FSTL4: variants seen among roughly 807,000 people sequenced by gnomAD.
FSTL4 encodes the protein follistatin-related protein 4.
FSTL4 carries 28 observed loss-of-function variants against 78.2 expected under a neutral mutation model. The ratio of observed to expected loss-of-function variants is 0.36; its 90% CI spans 0.27 to 0.49. The LOEUF (loss-of-function observed/expected upper bound fraction) is 0.49. Among genes scored for constraint, FSTL4 ranks in the 20% least tolerant of loss-of-function variants. The probability of loss-of-function intolerance (pLI) is 0.98; values close to 1 mark genes in which losing one functional copy is unlikely to be tolerated. For missense variants in FSTL4, 922 were observed against 1,084.9 expected (o/e 0.85, Z 2.11); for synonymous variants, 422 against 440.5 (o/e 0.96, Z 0.53).
chr5:133,231,653 A>C (rs1390190758), intron 8 of FSTL4, among the ~76,000 whole-genome samples: 1 of 152,118 alleles, frequency 6.6e-6, no homozygotes, highest in African/African-American at 2.4e-5. Context: ...AGCAATTCTC[A>C]TGCCTCAGCC....
the FSTL4 span, among the ~76,000 whole-genome samples, chr5:133,808,376 G>A: frequency 6.6e-6 from 1 of 152,148 alleles, no homozygotes; most frequent in Non-Finnish European, 1.5e-5. Flanking sequence ...TGTTCAATCT[G>A]GGGCACATCT....
intron 2 of FSTL4, among the ~76,000 whole-genome samples, chr5:133,576,767 T>C (rs1463483956): frequency 6.6e-6 from 1 of 152,234 alleles, no homozygotes; most frequent in Non-Finnish European, 1.5e-5. Context: ...ACAGATGAGA[T>C]GGAAGCTTTG....
At chr5:133,422,882 T>C (rs983710630) in intron 3 of FSTL4, among the ~76,000 whole-genome samples, 2 of 152,262 alleles carry the variant, frequency 1.3e-5, no homozygotes, top group African/African-American at 4.8e-5. Flanking sequence ...TCTTGCCACG[T>C]TTATTTCATT....
chr5:133,716,360 T>C, the FSTL4 span, among the ~76,000 whole-genome samples: 1 of 150,112 alleles, frequency 6.7e-6, no homozygotes, highest in Non-Finnish European at 1.5e-5. Flanking sequence ...ATGTGCCTCA[T>C]CAGTTTATAT....
At chr5:133,661,960 A>G in the FSTL4 span, among the ~76,000 whole-genome samples, 277 of 152,356 alleles carry the variant, frequency 1.8e-3, 3 homozygotes, top group African/African-American at 6.4e-3. Flanking sequence ...AGAGAAGCAT[A>G]TGCACAAAGT....
At chr5:133,487,032 C>T (rs1451715050) in intron 3 of FSTL4, among the ~76,000 whole-genome samples, 1 of 152,172 alleles carries the variant, frequency 6.6e-6, no homozygotes, top group African/African-American at 2.4e-5. Context: ...CCATGGAGTG[C>T]CACTTACTTA....
At chr5:133,684,194 T>C in the FSTL4 span, among the ~76,000 whole-genome samples, 48,460 of 152,044 alleles carry the variant, frequency 0.32, 8,166 homozygotes, top group East Asian at 0.4. Context: ...GATGTCAAGC[T>C]CAGGGCTGAA....
At chr5:133,422,390 G>T (rs1756716636) in intron 3 of FSTL4, among the ~76,000 whole-genome samples, 1 of 152,186 alleles carries the variant, frequency 6.6e-6, no homozygotes, top group Non-Finnish European at 1.5e-5. Flanking sequence ...GCCGGGCCTG[G>T]ACTGGGGGGC....
chr5:133,724,196 C>T, the FSTL4 span, among the ~76,000 whole-genome samples: 2 of 152,200 alleles, frequency 1.3e-5, no homozygotes, highest in African/African-American at 4.8e-5. Flanking sequence ...CTCAGCTGGG[C>T]TTGAGCCTGT....
At chr5:133,802,146 C>T in the FSTL4 span, among the ~76,000 whole-genome samples, 8 of 152,326 alleles carry the variant, frequency 5.3e-5, no homozygotes, top group Middle Eastern at 3.4e-3. Context: ...TTGACTTCCC[C>T]GGTGGACTTT....
the FSTL4 span, among the ~76,000 whole-genome samples, chr5:133,720,053 T>C: frequency 6.6e-6 from 1 of 152,192 alleles, no homozygotes; most frequent in African/African-American, 2.4e-5. Context: ...TTAATGACCA[T>C]AGAATTGGAG....
chr5:133,708,535 C>A, the FSTL4 span, among the ~76,000 whole-genome samples: 1 of 152,212 alleles, frequency 6.6e-6, no homozygotes, highest in Non-Finnish European at 1.5e-5. Context: ...CAGACCCTAG[C>A]TTGTCCTGCT....
intron 3 of FSTL4, among the ~76,000 whole-genome samples, chr5:133,498,427 A>G (rs531216636): frequency 6.6e-6 from 1 of 152,340 alleles, no homozygotes; most frequent in Non-Finnish European, 1.5e-5. Flanking sequence ...CCTTTAAAAA[A>G]TAATAGATCA....
the FSTL4 span, among the ~76,000 whole-genome samples, chr5:133,752,052 A>C: frequency 1.3e-5 from 2 of 152,166 alleles, no homozygotes; most frequent in East Asian, 1.9e-4. Flanking sequence ...TTCCAGGCAC[A>C]CTGGAGATGC....
intron 3 of FSTL4, among the ~76,000 whole-genome samples, chr5:133,535,653 T>C (rs1377836015): frequency 6.6e-6 from 1 of 152,228 alleles, no homozygotes; most frequent in Non-Finnish European, 1.5e-5. Context: ...TTCACACCTC[T>C]ATATTTCTGT....
intron 3 of FSTL4, among the ~76,000 whole-genome samples, chr5:133,418,419 A>G (rs868445425): frequency 5.6e-4 from 85 of 152,324 alleles, no homozygotes; most frequent in African/African-American, 1.6e-3. Context: ...AGAAGTCTCA[A>G]TATATCTAAG....
intron 1 of FSTL4, among the ~76,000 whole-genome samples, chr5:133,604,287 C>G (rs1760929833): frequency 6.6e-6 from 1 of 152,166 alleles, no homozygotes; most frequent in African/African-American, 2.4e-5. Context: ...GAAATGCCAC[C>G]TACCGTTACA....
the FSTL4 span, among the ~76,000 whole-genome samples, chr5:133,751,611 C>T: frequency 1.4e-4 from 21 of 152,202 alleles, no homozygotes; most frequent in African/African-American, 5.1e-4. Flanking sequence ...CTCCCACGAT[C>T]GGTGGGGCGT....
intron 6 of FSTL4, among the ~76,000 whole-genome samples, chr5:133,260,511 C>A (rs998060854): frequency 6.6e-6 from 1 of 152,184 alleles, no homozygotes; most frequent in Non-Finnish European, 1.5e-5. Context: ...CAGCCGTCAG[C>A]TCTGCTGCTC....
Sources: gnomAD v4.1 joint callset for allele counts (sites outside exome capture counted in the v4.1 genomes callset) on GRCh38, gnomAD v4.1.1 for gene constraint, MANE v1.5 for transcripts, NCBI Gene and HGNC (gene_info 2026-07-23, HGNC 2026-07-21) for gene names.